The following ANKFY1 variants were observed in gnomAD, a reference collection of about 807,000 sequenced individuals.
The protein encoded by ANKFY1 is ankyrin repeat and FYVE domain containing 1.
ANKFY1 carries 47 observed loss-of-function variants against 128.3 expected under a neutral mutation model. The ratio of observed to expected loss-of-function variants is 0.37; its 90% CI spans 0.29 to 0.47. The LOEUF (loss-of-function observed/expected upper bound fraction) is 0.47. Ranked by LOEUF, ANKFY1 falls within the 20% of genes least tolerant of loss-of-function variation. The pLI is 1.00. For missense variants in ANKFY1, 1,222 were observed against 1,510.6 expected, an observed-to-expected ratio of 0.81 and a Z score of 3.17; for synonymous variants, 553 against 601.6, an observed-to-expected ratio of 0.92 and a Z score of 1.18.
chr17:4,223,914 T>C, intron 3 of ANKFY1: 1 of 628,516 alleles, frequency 1.6e-6, no homozygotes, highest in East Asian at 2.8e-5. Context: ...CAGAAGCACA[T>C]TTGTCTTCCA....
chr17:4,215,031 G>A lies in ANKFY1; in HGVS notation c.458+1952C>T, dbSNP rs112885333. 1.2e-3 allele frequency among the ~76,000 whole-genome samples: 176 copies of A among 152,274 alleles called. 1 individual carries two copies. Among genetic ancestry groups the A allele is most frequent in the African/African-American group, 4.1e-3 (169 of 41,562 alleles). On this transcript the variant is annotated intron_variant, in intron 4 of 24. Coordinates refer to ENST00000341657, the MANE Select transcript of ANKFY1 (RefSeq NM_001330063.2). ...TAGCCAGGCACGGTAGGTCACGCCT[G>A]TAATCCCAGCACTTTGGGAGGCTGA...
At chr17:4,172,176 C>A (rs565126569) in intron 22 of ANKFY1, among the ~76,000 whole-genome samples, 12 of 152,296 alleles carry the variant, frequency 7.9e-5, no homozygotes, top group African/African-American at 2.9e-4. Flanking sequence ...AGCATGCCGA[C>A]ACATGATCTA....
rs915212622 is a variant in ANKFY1 at position 4,197,454 on chromosome 17, T to C, written c.1022A>G (p.Asp341Gly). ...ALYSSKKHSA[D>G]VMSEMAQIAE... Reference sequence around the variant, plus strand: ...AATCTGCGCCATCTCAGACATCACATCTGCTGAGTGTTTCTTTGAACTGTA... The same window carrying C: ...AATCTGCGCCATCTCAGACATCACACCTGCTGAGTGTTTCTTTGAACTGTA... Residue 341 changes from aspartate to glycine, a missense_variant, in exon 8 of 25, where the codon GAT (aspartate) becomes GGT (glycine). Transcript: ENST00000341657. 7 of 1,614,178 alleles carry C rather than the reference T, an allele frequency of 4.3e-6. No individual in the cohort carries two copies. The highest frequency in any genetic ancestry group is 1.7e-5 in the Admixed American group (1 of 60,022).
chr17:4,207,128 C>T (rs1427014096), intron 6 of ANKFY1, among the ~76,000 whole-genome samples: 1 of 152,034 alleles, frequency 6.6e-6, no homozygotes, highest in African/African-American at 2.4e-5. Flanking sequence ...ACAGAGGGCC[C>T]GACCCATCTA....
intron 4 of ANKFY1, among the ~76,000 whole-genome samples, chr17:4,213,215 G>C (rs1375671156): frequency 1.3e-5 from 2 of 151,756 alleles, no homozygotes; most frequent in Non-Finnish European, 2.9e-5. Context: ...TTTTGAGACA[G>C]AGTGTGCTCT....
In ANKFY1 at chr17:4,172,912, T is replaced by C. The variant is rs112058927; in HGVS notation, c.3015-232A>G. ...TCTCGCTCTGTCACCCAGGCTGGAG[T>C]GCAGTGGCGCGATCTCGGCTCACTG... On this transcript the variant is annotated intron_variant, in intron 21 of 24. Coordinates refer to ENST00000341657, the MANE Select transcript of ANKFY1 (RefSeq NM_001330063.2). Among the ~76,000 whole-genome samples the C allele has an allele frequency of 2.8e-4, 42 of 152,360 alleles. 1 individual carries two copies. Among genetic ancestry groups the C allele is most frequent in the African/African-American group, 9.6e-4 (40 of 41,594 alleles).
At chr17:4,185,933 G>A (rs1280553739) in intron 11 of ANKFY1, among the ~76,000 whole-genome samples, 3 of 152,040 alleles carry the variant, frequency 2.0e-5, no homozygotes, top group African/African-American at 7.2e-5. Flanking sequence ...TGGCCTGCTT[G>A]TATCAATCTC....
chr17:4,172,539 C>T lies in ANKFY1; in HGVS notation c.3139+17G>A, dbSNP rs1235840055. On this transcript the variant is annotated intron_variant, in intron 22 of 24. Transcript: ENST00000341657. ...GTGCGCAAGTGAGACGGGACATACCCAGCCCTTGGTACACACCCGTGCTGC... is the reference window on the plus strand; with the variant it reads ...GTGCGCAAGTGAGACGGGACATACCTAGCCCTTGGTACACACCCGTGCTGC... 4 of 1,610,096 alleles carry T rather than the reference C, an allele frequency of 2.5e-6. No homozygotes were observed. The highest frequency in any genetic ancestry group is 2.5e-6 in the Non-Finnish European group (3 of 1,178,248).
intron 1 of ANKFY1, among the ~76,000 whole-genome samples, chr17:4,251,051 A>G (rs1967799971): frequency 6.6e-6 from 1 of 152,344 alleles, no homozygotes; most frequent in East Asian, 1.9e-4. Flanking sequence ...AAGCTACAGT[A>G]AATAGGACAG....
chr17:4,202,696 CA>C (rs60561665), intron 7 of ANKFY1, among the ~76,000 whole-genome samples: 146 of 74,734 alleles, frequency 2.0e-3, no homozygotes, highest in South Asian at 3.7e-3. Flanking sequence ...AACTCCGTCT[CA>C]AAAAAAAAAA....
At position 4,178,642 on chromosome 17, in the gene ANKFY1, A is replaced by C; in HGVS notation, c.2598+215T>G. The C allele has an allele frequency of 1.7e-6, 1 of 586,254 alleles. No homozygotes were observed. Among genetic ancestry groups the C allele is most frequent in the Non-Finnish European group, 3.0e-6 (1 of 328,496 alleles). The allele number at this position is 586,254 out of a possible 1,614,324, so 36.3% of individuals were successfully genotyped here. ...AGCCCACTGCCTCCGCTTCCATCGAAGCCGGGCACTGTCAGGCGCTGACAC... is the reference window on the plus strand; with the variant it reads ...AGCCCACTGCCTCCGCTTCCATCGACGCCGGGCACTGTCAGGCGCTGACAC... On this transcript the variant is annotated intron_variant, in intron 18 of 24. Coordinates refer to ENST00000341657, the MANE Select transcript of ANKFY1 (RefSeq NM_001330063.2). This position sits in a 1 kb window ranked among gnomAD's most constrained non-coding sequence, Gnocchi z 4.1.
intron 1 of ANKFY1, among the ~76,000 whole-genome samples, chr17:4,245,744 A>G (rs1967505579): frequency 1.5e-5 from 2 of 132,044 alleles, no homozygotes; most frequent in African/African-American, 2.7e-5. Flanking sequence ...CCCTGTCTCA[A>G]AAAAAAAAAA....
chr17:4,249,889 A>G (rs1337954601), intron 1 of ANKFY1, among the ~76,000 whole-genome samples: 1 of 151,932 alleles, frequency 6.6e-6, no homozygotes, highest in Non-Finnish European at 1.5e-5. Context: ...TAACCTTCTG[A>G]AACTTGGCTT....
At chr17:4,190,935 C>G (rs1243255807) in intron 10 of ANKFY1, among the ~76,000 whole-genome samples, 2 of 152,054 alleles carry the variant, frequency 1.3e-5, no homozygotes, top group Non-Finnish European at 2.9e-5. Flanking sequence ...CTCAGGAGTT[C>G]GAGACAAGCC....
intron 1 of ANKFY1, among the ~76,000 whole-genome samples, chr17:4,256,262 A>G (rs1306976355): frequency 6.6e-6 from 1 of 152,036 alleles, no homozygotes; most frequent in African/African-American, 2.4e-5. Context: ...CCCCGTCTCT[A>G]TTAAAAATAC....
intron 1 of ANKFY1, among the ~76,000 whole-genome samples, chr17:4,259,647 T>C (rs1356875402): frequency 3.3e-5 from 5 of 152,244 alleles, no homozygotes; most frequent in African/African-American, 9.6e-5. Flanking sequence ...AGGTAGCTCC[T>C]AGCAGACTTA....
At chr17:4,188,878 A>G (rs2059658197) in intron 11 of ANKFY1, 1 of 151,208 alleles carries the variant, frequency 6.6e-6, no homozygotes, top group South Asian at 2.1e-4. Flanking sequence ...AGAAAAAAAA[A>G]AAAAAAAAGA....
At chr17:4,198,060 T>A (rs1339517524) in intron 7 of ANKFY1, among the ~76,000 whole-genome samples, 3 of 150,394 alleles carry the variant, frequency 2.0e-5, no homozygotes, top group African/African-American at 4.9e-5. Context: ...ACCCAGGGGG[T>A]GGAGGTTGCG....
At chr17:4,170,274 G>A (rs1393112822) in intron 23 of ANKFY1, among the ~76,000 whole-genome samples, 1 of 152,222 alleles carries the variant, frequency 6.6e-6, no homozygotes, top group Non-Finnish European at 1.5e-5. Context: ...GAAGAGTAAA[G>A]ATTCACAAAT....
Sources: gnomAD v4.1 joint callset for allele counts (sites outside exome capture counted in the v4.1 genomes callset) on GRCh38, gnomAD v4.1.1 for gene constraint, Gnocchi (gnomAD v3.1) non-coding constraint, MANE v1.5 for transcripts, NCBI Gene and HGNC (gene_info 2026-07-23, HGNC 2026-07-21) for gene names.